Variants in LIPC observed in about 807,000 individuals in gnomAD.
LIPC encodes the protein hepatic triacylglycerol lipase.
Under a neutral mutation model 50.7 loss-of-function variants are expected in LIPC, and 44 were observed. The observed-to-expected ratio is 0.87, with a 90% CI of 0.68 to 1.11. The LOEUF is 1.11. LIPC is among the 50% of genes most tolerant of loss of function. The pLI is 0.00. For missense variants in LIPC, 697 were observed against 648.2 expected, an observed-to-expected ratio of 1.08 and a Z score of -0.82; for synonymous variants, 271 against 256.4, an observed-to-expected ratio of 1.06 and a Z score of -0.54.
At chr15:58,533,567 A>C (rs1322273222) in intron 1 of LIPC, among the ~76,000 whole-genome samples, 2 of 152,202 alleles carry the variant, frequency 1.3e-5, no homozygotes, top group African/African-American at 4.8e-5. Context: ...AACAGCATAC[A>C]TTTTCAACAA....
intron 1 of LIPC, among the ~76,000 whole-genome samples, chr15:58,470,188 T>C (rs1424426170): frequency 6.6e-6 from 1 of 152,130 alleles, no homozygotes; most frequent in Non-Finnish European, 1.5e-5. Flanking sequence ...GGGTTCAGCC[T>C]CCCAAAGTGC....
chr15:58,562,811 C>CCG (rs879508987), intron 7 of LIPC, among the ~76,000 whole-genome samples: 4 of 151,734 alleles, frequency 2.6e-5, no homozygotes, highest in African/African-American at 4.8e-5. Flanking sequence ...AGGGACCCCC[C>CCG]CCCAACCCCA....
At chr15:58,548,044 C>T (rs1893599648) in intron 5 of LIPC, among the ~76,000 whole-genome samples, 1 of 152,122 alleles carries the variant, frequency 6.6e-6, no homozygotes, top group Non-Finnish European at 1.5e-5. Context: ...GACTTGGGTG[C>T]CTATTAAAAT....
intron 1 of LIPC, among the ~76,000 whole-genome samples, chr15:58,487,345 G>C (rs1891414520): frequency 6.6e-6 from 1 of 152,150 alleles, no homozygotes; most frequent in South Asian, 2.1e-4. Flanking sequence ...TTAAACGAAG[G>C]GAAGGTATGC....
rs1464532986 is a variant in LIPC, at chr15:58,567,210, A to T, written c.1389-1506A>T. Among the ~76,000 whole-genome samples the T allele has an allele frequency of 2.0e-3, 211 of 106,068 alleles. 7 individuals carry two copies. Among genetic ancestry groups the T allele is most frequent in the Middle Eastern group, 9.0e-3 (2 of 222 alleles). The allele number at this position is 106,068 out of a possible 152,430, so 69.6% of individuals were successfully genotyped here. A position where few individuals can be genotyped will look rare whatever the true frequency, so the allele number is the denominator to read the frequency against. ...AGCGAGACTCCGTCTCAAAAAAAAT[A>T]AAAAATATATATATATATATGTATA... On this transcript the variant is annotated intron_variant, in intron 8 of 8. Transcript: ENST00000299022.
At chr15:58,534,561 T>TA (rs1156270162) in intron 1 of LIPC, among the ~76,000 whole-genome samples, 2 of 152,188 alleles carry the variant, frequency 1.3e-5, no homozygotes, top group African/African-American at 4.8e-5. Flanking sequence ...CACTGAAGAT[T>TA]ACAGGGCTCT....
chr15:58,451,740 C>T (rs1893906408), intron 1 of LIPC, among the ~76,000 whole-genome samples: 1 of 152,182 alleles, frequency 6.6e-6, no homozygotes, highest in African/African-American at 2.4e-5. Context: ...GGAGGACTGG[C>T]TGTGAGGCAC....
chr15:58,515,255 G>A (rs1892449673), intron 1 of LIPC, among the ~76,000 whole-genome samples: 1 of 152,102 alleles, frequency 6.6e-6, no homozygotes, highest in Admixed American at 6.5e-5. Flanking sequence ...CATATTCTAG[G>A]TTCTGGGGAT....
At chr15:58,471,688 A>C (rs1414432393) in intron 1 of LIPC, among the ~76,000 whole-genome samples, 25 of 152,228 alleles carry the variant, frequency 1.6e-4, no homozygotes, top group Admixed American at 1.6e-3. Context: ...TCAGTGCTCC[A>C]AAACTCTGAA....
intron 1 of LIPC, among the ~76,000 whole-genome samples, chr15:58,463,894 G>A (rs753543393): frequency 5.9e-5 from 9 of 152,122 alleles, no homozygotes; most frequent in Non-Finnish European, 1.3e-4. Flanking sequence ...CATTTAAAAT[G>A]TCTGATATTA....
chr15:58,520,381 C>A (rs1207755242), intron 1 of LIPC, among the ~76,000 whole-genome samples: 16 of 152,142 alleles, frequency 1.1e-4, no homozygotes, highest in Admixed American at 1.0e-3. Context: ...TAGAGCACAA[C>A]GTCTAAACCA....
chr15:58,503,144 TCAGA>T (rs1279466499), intron 1 of LIPC, among the ~76,000 whole-genome samples: 1 of 152,276 alleles, frequency 6.6e-6, no homozygotes, highest in East Asian at 1.9e-4. Flanking sequence ...CCCTCACAAT[TCAGA>T]CAGTGTTGCT....
intron 1 of LIPC, among the ~76,000 whole-genome samples, chr15:58,517,336 T>C (rs999504973): frequency 3.9e-5 from 6 of 152,242 alleles, no homozygotes; most frequent in Non-Finnish European, 7.3e-5. Flanking sequence ...GCACAGCACA[T>C]TGAGCTCAAC....
chr15:58,510,479 C>G (rs1892295075), intron 1 of LIPC, among the ~76,000 whole-genome samples: 2 of 152,164 alleles, frequency 1.3e-5, no homozygotes, highest in Non-Finnish European at 2.9e-5. Context: ...TTAGAGTAAC[C>G]ATCATCCTAT....
chr15:58,557,718 G>C lies in LIPC; in HGVS notation c.1052-3146G>C, dbSNP rs561117209. On this transcript the variant is annotated intron_variant, in intron 6 of 8. Transcript: ENST00000299022. ...TGCTTTTAATTGCATTTAGCACTGG[G>C]CTAAACACACAGTAGACTTCCAATT... Among the ~76,000 whole-genome samples, 24 of 152,154 alleles carry C rather than the reference G, an allele frequency of 1.6e-4. No homozygotes were observed. In the East Asian group the frequency reaches 4.7e-3, roughly 29 times the overall value.
At chr15:58,506,151 C>G (rs568638422) in intron 1 of LIPC, among the ~76,000 whole-genome samples, 202 of 152,312 alleles carry the variant, frequency 1.3e-3, no homozygotes, top group African/African-American at 4.7e-3. Flanking sequence ...AAACACACAC[C>G]TGTGGGGCTC....
chr15:58,548,642 C>T, intron 6 of LIPC, 70 bp downstream of exon 6: 1 of 1,538,390 alleles, frequency 6.5e-7, no homozygotes, highest in Admixed American at 1.9e-5. Flanking sequence ...TCAGAAGTCC[C>T]CTTGGCTTCT....
intron 1 of LIPC, among the ~76,000 whole-genome samples, chr15:58,514,213 G>A (rs1050097404): frequency 2.0e-5 from 3 of 152,334 alleles, no homozygotes; most frequent in Non-Finnish European, 4.4e-5. Flanking sequence ...GGCTGAGCAC[G>A]CTTCTCGCCC....
intron 8 of LIPC, among the ~76,000 whole-genome samples, chr15:58,564,724 G>A (rs546302046): frequency 7.9e-5 from 12 of 152,034 alleles, no homozygotes; most frequent in African/African-American, 2.7e-4. Context: ...GAGAGACTCC[G>A]TCTCAAAAAA....
Sources: gnomAD v4.1 joint callset for allele counts (sites outside exome capture counted in the v4.1 genomes callset) on GRCh38, gnomAD v4.1.1 for gene constraint, MANE v1.5 for transcripts, NCBI Gene and HGNC (gene_info 2026-07-23, HGNC 2026-07-21) for gene names.